Variants in KCNN2 observed in about 807,000 individuals in gnomAD.
The protein encoded by KCNN2 is small conductance calcium-activated potassium channel protein 2.
In KCNN2, 24 loss-of-function variants were observed where a neutral mutation model predicts 55.5. The observed-to-expected ratio is 0.43, with a 90% confidence interval of 0.31 to 0.61. The LOEUF is 0.61. Among genes scored for constraint, KCNN2 ranks in the 20% least tolerant of loss-of-function variants. The probability of loss-of-function intolerance (pLI) is 0.08; values close to 1 mark genes in which losing one functional copy is unlikely to be tolerated. For synonymous variants in KCNN2, 431 were observed against 336.1 expected, an observed-to-expected ratio of 1.28 and a Z score of -3.09; for missense variants, 754 against 853.6, an observed-to-expected ratio of 0.88 and a Z score of 1.45.
At chr5:114,127,333 G>A (rs555493226) in intron 1 of KCNN2, among the ~76,000 whole-genome samples, 3 of 152,134 alleles carry the variant, frequency 2.0e-5, no homozygotes, top group Admixed American at 6.5e-5. Context: ...AGGCGTTTCC[G>A]TACATCCTGA....
intron 2 of KCNN2, among the ~76,000 whole-genome samples, chr5:114,272,286 C>T (rs564994056): frequency 6.7e-6 from 1 of 149,286 alleles, no homozygotes; most frequent in Non-Finnish European, 1.5e-5. Context: ...ATCACACACA[C>T]ATATATGTAT....
At chr5:114,354,391 T>C (rs1757262931) in intron 2 of KCNN2, among the ~76,000 whole-genome samples, 1 of 151,986 alleles carries the variant, frequency 6.6e-6, no homozygotes, top group Non-Finnish European at 1.5e-5. Flanking sequence ...TACTAGAAAA[T>C]TGTTTGGAAA....
In KCNN2 at chr5:114,159,428, C is replaced by T. The variant is rs1015465052; in HGVS notation, c.-270-62052C>T. ...GGCAGTATTTTATTGAGGATTTTTG[C>T]GTCAATGTTCATCAAGGATATTGGT... On this transcript the variant is annotated intron_variant, in intron 1 of 10. Coordinates refer to the KCNN2 transcript ENST00000512097. 4.6e-5 allele frequency among the ~76,000 whole-genome samples: 7 copies of T among 152,078 alleles called. 1 individual carries two copies. Among genetic ancestry groups the T allele is most frequent in the East Asian group, 1.9e-4 (1 of 5,194 alleles).
chr5:114,180,618 A>T (rs1753219611), intron 1 of KCNN2, among the ~76,000 whole-genome samples: 1 of 152,256 alleles, frequency 6.6e-6, no homozygotes, highest in Non-Finnish European at 1.5e-5. Flanking sequence ...ATCTATACAT[A>T]TATATGTATG....
chr5:114,469,647 C>G (rs1761624849), intron 4 of KCNN2, among the ~76,000 whole-genome samples: 1 of 152,098 alleles, frequency 6.6e-6, no homozygotes, highest in Non-Finnish European at 1.5e-5. Flanking sequence ...GTACTTATTT[C>G]CATTCTTATT....
chr5:114,477,608 T>C (rs1762027773), intron 5 of KCNN2, among the ~76,000 whole-genome samples: 1 of 152,182 alleles, frequency 6.6e-6, no homozygotes, highest in Non-Finnish European at 1.5e-5. Context: ...GACCAGCTAT[T>C]TAATAGATTT....
At chr5:114,131,845 A>G (rs1752078405) in intron 1 of KCNN2, among the ~76,000 whole-genome samples, 1 of 152,120 alleles carries the variant, frequency 6.6e-6, no homozygotes, top group Admixed American at 6.6e-5. Context: ...ATGGTATCTC[A>G]TTGTGGTTTT....
At chr5:114,232,934 T>TTTTTTTTTTTTC in intron 2 of KCNN2, among the ~76,000 whole-genome samples, 1 of 93,190 alleles carries the variant, frequency 1.1e-5, no homozygotes, top group Non-Finnish European at 2.1e-5. Flanking sequence ...TGTTTTTTTT[T>TTTTTTTTTTTTC]TTTTGAGACG....
intron 2 of KCNN2, among the ~76,000 whole-genome samples, chr5:114,267,181 G>A (rs1755227053): frequency 6.6e-6 from 1 of 152,118 alleles, no homozygotes. Context: ...TTTGTAGTGA[G>A]ACGGGGTTTC....
intron 2 of KCNN2, among the ~76,000 whole-genome samples, chr5:114,377,584 G>A (rs74322546): frequency 0.017 from 2,578 of 152,216 alleles, 69 homozygotes; most frequent in African/African-American, 0.058. Context: ...GACCCCAAGA[G>A]GACAGTGTAA....
intron 4 of KCNN2, among the ~76,000 whole-genome samples, chr5:114,464,404 C>T (rs887764716): frequency 2.5e-4 from 38 of 152,144 alleles, no homozygotes; most frequent in African/African-American, 8.4e-4. Flanking sequence ...TCCAAATTGT[C>T]AGAATTTCTG....
At chr5:114,429,849 G>T (rs1580824133) in intron 3 of KCNN2, among the ~76,000 whole-genome samples, 6 of 118,874 alleles carry the variant, frequency 5.0e-5, no homozygotes, top group Admixed American at 1.0e-4. Flanking sequence ...TTTAACATGT[G>T]GATGCCCTGT....
intron 3 of KCNN2, among the ~76,000 whole-genome samples, chr5:114,445,582 A>T (rs1370656047): frequency 6.6e-6 from 1 of 152,356 alleles, no homozygotes; most frequent in Admixed American, 6.5e-5. Context: ...CATTGGAAGC[A>T]TCTGTTTAAA....
intron 1 of KCNN2, among the ~76,000 whole-genome samples, chr5:114,168,272 A>G (rs1220651082): frequency 6.6e-6 from 1 of 151,908 alleles, no homozygotes; most frequent in Admixed American, 6.6e-5. Context: ...TAGTTTCCAT[A>G]GGATATTTAT....
At chr5:114,383,963 A>G (rs571891213) in intron 2 of KCNN2, among the ~76,000 whole-genome samples, 1 of 152,354 alleles carries the variant, frequency 6.6e-6, no homozygotes, top group Admixed American at 6.5e-5. Flanking sequence ...AACAAGCACT[A>G]TGCTAGGTAC....
intron 2 of KCNN2, among the ~76,000 whole-genome samples, chr5:114,315,893 C>T (rs1756491332): frequency 6.6e-6 from 1 of 151,998 alleles, no homozygotes. Context: ...GCAGAGTTAC[C>T]TAAGATATGC....
intron 2 of KCNN2, among the ~76,000 whole-genome samples, chr5:114,306,935 C>G (rs1756290852): frequency 6.6e-6 from 1 of 152,020 alleles, no homozygotes; most frequent in South Asian, 2.1e-4. Context: ...AACTCCTGAC[C>G]TCAGGTGATC....
At chr5:114,486,349 T>C (rs1454874023) in intron 5 of KCNN2, among the ~76,000 whole-genome samples, 1 of 152,210 alleles carries the variant, frequency 6.6e-6, no homozygotes, top group Non-Finnish European at 1.5e-5. Context: ...TGTTGAAGAC[T>C]TTCATCAAGA....
chr5:114,186,194 T>C (rs2112558019), intron 1 of KCNN2, among the ~76,000 whole-genome samples: 1 of 152,326 alleles, frequency 6.6e-6, no homozygotes, highest in African/African-American at 2.4e-5. Context: ...ACTAAATAAG[T>C]ACATATTTGT....
Sources: gnomAD v4.1 joint callset for allele counts (sites outside exome capture counted in the v4.1 genomes callset) on GRCh38, gnomAD v4.1.1 for gene constraint, MANE v1.5 for transcripts, NCBI Gene and HGNC (gene_info 2026-07-23, HGNC 2026-07-21) for gene names.